GRID1: variants seen among roughly 807,000 people sequenced by gnomAD.
GRID1 encodes the protein glutamate ionotropic receptor delta type subunit 1.
Under a neutral mutation model 98.0 loss-of-function variants are expected in GRID1, and 28 were observed. That is an observed-to-expected ratio of 0.29 (90% CI 0.21 to 0.39). The LOEUF is 0.39. GRID1 is among the 10% of genes least tolerant of loss of function. The pLI is 1.00. For synonymous variants in GRID1, 553 were observed against 538.5 expected, an observed-to-expected ratio of 1.03 and a Z score of -0.37; for missense variants, 1,111 against 1,340.5, an observed-to-expected ratio of 0.83 and a Z score of 2.67.
chr10:85,673,332 C>T (rs990064703), intron 12 of GRID1, among the ~76,000 whole-genome samples: 1 of 152,172 alleles, frequency 6.6e-6, no homozygotes, highest in African/African-American at 2.4e-5. Context: ...ATATTCCATA[C>T]ATATAGTTGA....
intron 2 of GRID1, among the ~76,000 whole-genome samples, chr10:86,331,913 A>C (rs1258434971): frequency 6.6e-6 from 1 of 152,190 alleles, no homozygotes; most frequent in African/African-American, 2.4e-5. Flanking sequence ...TGGTGTGCAG[A>C]GATGTATCAG....
At chr10:86,038,169 A>C (rs1843295381) in intron 4 of GRID1, among the ~76,000 whole-genome samples, 1 of 152,182 alleles carries the variant, frequency 6.6e-6, no homozygotes, top group Admixed American at 6.5e-5. Flanking sequence ...ACTGTGAGAC[A>C]ATAAATTCTG....
At chr10:85,761,594 C>T (rs1842147803) in intron 8 of GRID1, among the ~76,000 whole-genome samples, 1 of 152,194 alleles carries the variant, frequency 6.6e-6, no homozygotes, top group African/African-American at 2.4e-5. Flanking sequence ...CCAGCATCAT[C>T]AGGGGAGGCC....
At chr10:86,288,187 G>A (rs2607850) in intron 2 of GRID1, among the ~76,000 whole-genome samples, 120,621 of 152,176 alleles carry the variant, frequency 0.79, 49,719 homozygotes, top group Non-Finnish European at 0.91. Context: ...CACTGGCCAC[G>A]AACCTGTTCA....
chr10:85,612,166 C>A (rs540020552), intron 15 of GRID1, among the ~76,000 whole-genome samples: 108 of 152,300 alleles, frequency 7.1e-4, no homozygotes, highest in African/African-American at 2.4e-3. Flanking sequence ...GACGCCCACC[C>A]CTGTCCTCAC....
chr10:86,034,287 T>C (rs187146175), intron 4 of GRID1, among the ~76,000 whole-genome samples: 73 of 152,228 alleles, frequency 4.8e-4, no homozygotes, highest in African/African-American at 1.7e-3. Flanking sequence ...ATCAAATATA[T>C]AAATATTTTT....
intron 8 of GRID1, among the ~76,000 whole-genome samples, chr10:85,781,449 C>A (rs1842380292): frequency 6.6e-6 from 1 of 152,150 alleles, no homozygotes. Flanking sequence ...ATGTTTCTGA[C>A]AAATGAATAA....
chr10:86,243,659 G>A (rs1488896297), intron 2 of GRID1, among the ~76,000 whole-genome samples: 3 of 152,138 alleles, frequency 2.0e-5, no homozygotes, highest in Non-Finnish European at 4.4e-5. Flanking sequence ...TTCAAAAATA[G>A]TCTGAGTGAG....
intron 2 of GRID1, among the ~76,000 whole-genome samples, chr10:86,224,315 G>GT (rs1479559500): frequency 6.6e-6 from 1 of 152,200 alleles, no homozygotes; most frequent in African/African-American, 2.4e-5. Context: ...CCAGAGAGGG[G>GT]TAAGCCTCCT....
intron 2 of GRID1, among the ~76,000 whole-genome samples, chr10:86,241,786 G>A (rs1441766936): frequency 6.6e-6 from 1 of 152,110 alleles, no homozygotes; most frequent in African/African-American, 2.4e-5. Flanking sequence ...CTGCCCCTGG[G>A]AGGCCATCAC....
intron 2 of GRID1, among the ~76,000 whole-genome samples, chr10:86,294,641 A>G (rs1847562072): frequency 6.6e-6 from 1 of 152,190 alleles, no homozygotes; most frequent in Non-Finnish European, 1.5e-5. Context: ...TGAAGCACCC[A>G]GCTTGGGGAC....
In GRID1 at chr10:85,745,566, C is replaced by T. The variant is rs2949387; in HGVS notation, c.1234-15952G>A. Among the ~76,000 whole-genome samples the T allele has an allele frequency of 3.9e-3, 482 of 124,496 alleles. 15 individuals carry two copies. The highest frequency in any genetic ancestry group is 6.4e-3 in the Non-Finnish European group (374 of 58,846). The allele number at this position is 124,496 out of a possible 152,430, so 81.7% of individuals were successfully genotyped here. A position where few individuals can be genotyped will look rare whatever the true frequency, so the allele number is the denominator to read the frequency against. ...GAAGGGGAATATCACACTCTGGGGA[C>T]GGTGGTGGGGTCGAAGGAGAGGGGA... On this transcript the variant is annotated intron_variant, in intron 8 of 15. Coordinates refer to ENST00000327946, the MANE Select transcript of GRID1 (RefSeq NM_017551.3).
At chr10:86,186,206 G>T (rs1464020636) in intron 3 of GRID1, among the ~76,000 whole-genome samples, 2 of 152,108 alleles carry the variant, frequency 1.3e-5, no homozygotes, top group East Asian at 3.9e-4. Flanking sequence ...TTGGCATAAG[G>T]TTTTTCAAAA....
At chr10:86,035,358 G>T (rs1397829800) in intron 4 of GRID1, among the ~76,000 whole-genome samples, 1 of 152,200 alleles carries the variant, frequency 6.6e-6, no homozygotes, top group African/African-American at 2.4e-5. Context: ...AGTTCCAAAG[G>T]TTGATTAATA....
At chr10:86,364,162 A>C in intron 1 of GRID1, 66 bp from the exon 2 acceptor site, 6 of 1,383,930 alleles carry the variant, frequency 4.3e-6, no homozygotes, top group Non-Finnish European at 6.1e-6. Flanking sequence ...CCTTGGCCCG[A>C]GGGTCAAGGC....
chr10:85,973,001 T>C (rs1842426999), intron 4 of GRID1, among the ~76,000 whole-genome samples: 1 of 152,220 alleles, frequency 6.6e-6, no homozygotes, highest in South Asian at 2.1e-4. Flanking sequence ...AAGATGTTCA[T>C]TTTGCTATGT....
intron 12 of GRID1, among the ~76,000 whole-genome samples, chr10:85,702,795 A>G (rs964145404): frequency 6.6e-6 from 1 of 151,858 alleles, no homozygotes; most frequent in African/African-American, 2.4e-5. Context: ...ATGAGAAAAA[A>G]GTGGAAAAGG....
chr10:85,941,209 A>T (rs1303253962), intron 4 of GRID1, among the ~76,000 whole-genome samples: 1 of 151,840 alleles, frequency 6.6e-6, no homozygotes, highest in Admixed American at 6.6e-5. Flanking sequence ...AACCTTTCTG[A>T]CCCTCGTTTT....
chr10:86,364,880 C>G (rs1461344271), intron 1 of GRID1, among the ~76,000 whole-genome samples: 2 of 152,164 alleles, frequency 1.3e-5, no homozygotes, highest in Non-Finnish European at 2.9e-5. Context: ...CCAGGGCGCC[C>G]TCCGGCTGGC....
Sources: gnomAD v4.1 joint callset for allele counts (sites outside exome capture counted in the v4.1 genomes callset) on GRCh38, gnomAD v4.1.1 for gene constraint, MANE v1.5 for transcripts, NCBI Gene and HGNC (gene_info 2026-07-23, HGNC 2026-07-21) for gene names.